The following MAML3 variants were observed in gnomAD, a reference collection of about 807,000 sequenced individuals.
MAML3 encodes the protein mastermind-like protein 3.
A neutral mutation model predicts 101.9 loss-of-function variants in MAML3; 27 were observed. The observed-to-expected ratio is 0.27, with a 90% CI of 0.20 to 0.37. MAML3 has a LOEUF of 0.37. MAML3 is among the 10% of genes least tolerant of loss of function. The pLI, the probability that MAML3 is intolerant of heterozygous loss-of-function variation, is 1.00. For missense variants in MAML3, 1,316 were observed against 1,444.9 expected, an observed-to-expected ratio of 0.91 and a Z score of 1.45; for synonymous variants, 501 against 555.9, an observed-to-expected ratio of 0.90 and a Z score of 1.39.
intron 2 of MAML3, among the ~76,000 whole-genome samples, chr4:139,750,747 T>C (rs1314343734): frequency 6.6e-6 from 1 of 152,196 alleles, no homozygotes; most frequent in Non-Finnish European, 1.5e-5. Context: ...CCTAAGGCAC[T>C]CTATTTTGAA....
At chr4:139,807,814 C>A (rs552717863) in intron 2 of MAML3, among the ~76,000 whole-genome samples, 1 of 152,204 alleles carries the variant, frequency 6.6e-6, no homozygotes, top group Non-Finnish European at 1.5e-5. Flanking sequence ...ATAGCCCATA[C>A]ATGATACACT....
chr4:139,895,466 CT>C (rs1732589654), intron 1 of MAML3, among the ~76,000 whole-genome samples: 1 of 152,164 alleles, frequency 6.6e-6, no homozygotes, highest in East Asian at 1.9e-4. Flanking sequence ...TCAATAATAT[CT>C]AGCTCACAGA....
At chr4:139,983,875 T>C (rs1734487916) in intron 1 of MAML3, among the ~76,000 whole-genome samples, 1 of 152,168 alleles carries the variant, frequency 6.6e-6, no homozygotes. Context: ...CCCCCATGTG[T>C]TTTACTCCAG....
At chr4:139,937,237 T>G (rs978655337) in intron 1 of MAML3, among the ~76,000 whole-genome samples, 2 of 152,222 alleles carry the variant, frequency 1.3e-5, no homozygotes, top group South Asian at 4.1e-4. Flanking sequence ...GATTATTGCA[T>G]TGTTGTTACC....
intron 2 of MAML3, among the ~76,000 whole-genome samples, chr4:139,775,571 C>T (rs1019235488): frequency 3.3e-5 from 5 of 152,032 alleles, no homozygotes; most frequent in Non-Finnish European, 7.4e-5. Flanking sequence ...TTACAATCTC[C>T]CAGGTTAAAC....
chr4:139,738,760 G>GA (rs1430436513), intron 2 of MAML3, among the ~76,000 whole-genome samples: 2 of 151,986 alleles, frequency 1.3e-5, no homozygotes, highest in East Asian at 1.9e-4. Flanking sequence ...AAAGTATACA[G>GA]AAAAAAGCTA....
At chr4:140,152,511 A>C (rs980681374) in intron 1 of MAML3, among the ~76,000 whole-genome samples, 6 of 151,904 alleles carry the variant, frequency 3.9e-5, no homozygotes, top group Non-Finnish European at 5.9e-5. Context: ...CAAGGTTTCA[A>C]CTCAGGGGTT....
chr4:139,920,117 A>G (rs1249809517), intron 1 of MAML3, among the ~76,000 whole-genome samples: 2 of 152,258 alleles, frequency 1.3e-5, no homozygotes, highest in African/African-American at 4.8e-5. Context: ...TGTTGTTCAT[A>G]ACAAACTAAT....
intron 2 of MAML3, among the ~76,000 whole-genome samples, chr4:139,773,656 G>A (rs1730039122): frequency 6.6e-6 from 1 of 152,160 alleles, no homozygotes; most frequent in African/African-American, 2.4e-5. Flanking sequence ...AAATAAAAAA[G>A]GAGATTCTGA....
intron 1 of MAML3, among the ~76,000 whole-genome samples, chr4:140,127,060 C>T (rs975048245): frequency 1.3e-5 from 2 of 152,196 alleles, no homozygotes; most frequent in African/African-American, 2.4e-5. Flanking sequence ...ATCACACCCT[C>T]GTTTATAATC....
At chr4:140,071,068 C>T (rs765354598) in intron 1 of MAML3, among the ~76,000 whole-genome samples, 42 of 152,246 alleles carry the variant, frequency 2.8e-4, no homozygotes, top group Non-Finnish European at 4.9e-4. Flanking sequence ...TCCAGGATCA[C>T]TCGCCTAGGT....
At chr4:140,012,711 C>A (rs1342655069) in intron 1 of MAML3, among the ~76,000 whole-genome samples, 5 of 152,220 alleles carry the variant, frequency 3.3e-5, no homozygotes, top group African/African-American at 1.2e-4. Flanking sequence ...GGATCTGGCC[C>A]TAACCACCTC....
At chr4:139,862,427 A>T (rs1168337267) in intron 2 of MAML3, among the ~76,000 whole-genome samples, 1 of 152,002 alleles carries the variant, frequency 6.6e-6, no homozygotes, top group Admixed American at 6.6e-5. Flanking sequence ...CCAACTCCAA[A>T]CTGCGTTTGA....
At chr4:139,981,735 AC>A (rs746337992) in intron 1 of MAML3, among the ~76,000 whole-genome samples, 25 of 152,222 alleles carry the variant, frequency 1.6e-4, no homozygotes, top group Non-Finnish European at 3.1e-4. Flanking sequence ...GTTATAGATA[AC>A]CAGTTTGGAG....
At chr4:140,106,123 A>G (rs1055595587) in intron 1 of MAML3, among the ~76,000 whole-genome samples, 2 of 149,684 alleles carry the variant, frequency 1.3e-5, no homozygotes, top group African/African-American at 5.0e-5. Context: ...AAGAAAAAAA[A>G]AAAAAAAAAA....
intron 1 of MAML3, among the ~76,000 whole-genome samples, chr4:139,979,798 C>T (rs868182062): frequency 5.9e-5 from 9 of 152,312 alleles, no homozygotes; most frequent in African/African-American, 2.2e-4. Context: ...GTGCCGTGAT[C>T]TCGGACTTCC....
At chr4:139,725,039 G>A (rs1263806437) in intron 4 of MAML3, among the ~76,000 whole-genome samples, 4 of 152,152 alleles carry the variant, frequency 2.6e-5, no homozygotes, top group Admixed American at 2.0e-4. Flanking sequence ...GATTATAGGC[G>A]TGAGCCACCG....
chr4:139,944,630 T>C (rs1206548716), intron 1 of MAML3, among the ~76,000 whole-genome samples: 1 of 150,994 alleles, frequency 6.6e-6, no homozygotes. Context: ...CATCAAAAAG[T>C]GGGCAAAGGA....
intron 1 of MAML3, among the ~76,000 whole-genome samples, chr4:139,910,870 T>C (rs1451698507): frequency 1.3e-5 from 2 of 152,178 alleles, no homozygotes; most frequent in African/African-American, 2.4e-5. Flanking sequence ...TACAGATATA[T>C]ATAATTGTGG....
Sources: allele counts gnomAD v4.1 joint callset (sites outside exome capture counted in the v4.1 genomes callset), GRCh38; gene constraint gnomAD v4.1.1; transcripts MANE v1.5; gene names NCBI Gene and HGNC (gene_info 2026-07-23, HGNC 2026-07-21).